Variants in HTR1E observed in about 807,000 individuals in gnomAD.
HTR1E encodes 5-hydroxytryptamine receptor 1E, also known as 5-HT-1E.
In HTR1E, 3 loss-of-function variants were observed where a neutral mutation model predicts 3.4. That is an observed-to-expected ratio of 0.89 (90% CI 0.41 to 2.31). The LOEUF (loss-of-function observed/expected upper bound fraction) is 2.31, where lower values mean the gene tolerates loss of function less well. Ranked by LOEUF, HTR1E falls within the 30% of genes most tolerant of loss-of-function variation. HTR1E has a pLI of 0.05. For missense variants in HTR1E, 392 were observed against 467.0 expected, an observed-to-expected ratio of 0.84 and a Z score of 1.48; for synonymous variants, 170 against 182.8, an observed-to-expected ratio of 0.93 and a Z score of 0.56.
chr6:86,986,009 A>G (rs1767780123), intron 1 of HTR1E, among the ~76,000 whole-genome samples: 1 of 152,162 alleles, frequency 6.6e-6, no homozygotes, highest in Non-Finnish European at 1.5e-5. Flanking sequence ...TTATTTCTAT[A>G]CATTTCTCCT....
At chr6:87,011,919 G>C (rs762315256) in intron 1 of HTR1E, among the ~76,000 whole-genome samples, 5 of 152,144 alleles carry the variant, frequency 3.3e-5, no homozygotes, top group Non-Finnish European at 7.4e-5. Context: ...TACCTTTCCC[G>C]CGCAAAATGG....
intron 1 of HTR1E, among the ~76,000 whole-genome samples, chr6:86,995,663 C>A (rs1582277175): frequency 1.9e-5 from 1 of 53,884 alleles, no homozygotes; most frequent in East Asian, 6.0e-4. Context: ...GAGACTCCAT[C>A]TCAAAAAAAA....
chr6:86,948,431 A>G (rs1291809686), intron 1 of HTR1E, among the ~76,000 whole-genome samples: 1 of 152,150 alleles, frequency 6.6e-6, no homozygotes, highest in Non-Finnish European at 1.5e-5. Context: ...TTTGTCATTC[A>G]TTATTCTAGT....
intron 1 of HTR1E, among the ~76,000 whole-genome samples, chr6:87,008,453 A>G (rs1038524874): frequency 2.6e-5 from 4 of 152,254 alleles, no homozygotes; most frequent in Middle Eastern, 3.2e-3. Context: ...AAATAATTGG[A>G]AGTAATTTGG....
chr6:86,985,385 T>C (rs1224971424), intron 1 of HTR1E, among the ~76,000 whole-genome samples: 1 of 152,204 alleles, frequency 6.6e-6, no homozygotes, highest in African/African-American at 2.4e-5. Context: ...TTTATACTTA[T>C]GATTAACATT....
intron 1 of HTR1E, among the ~76,000 whole-genome samples, chr6:86,970,152 T>A (rs571671621): frequency 6.6e-6 from 1 of 152,222 alleles, no homozygotes; most frequent in Non-Finnish European, 1.5e-5. Flanking sequence ...GGGAAGAAAC[T>A]GTGTCTTAAT....
intron 1 of HTR1E, among the ~76,000 whole-genome samples, chr6:87,002,205 T>C (rs1464164426): frequency 6.6e-6 from 1 of 152,176 alleles, no homozygotes; most frequent in African/African-American, 2.4e-5. Context: ...TTAAAGATGG[T>C]GTGTCCGGAG....
intron 1 of HTR1E, among the ~76,000 whole-genome samples, chr6:86,987,408 G>A (rs1284591006): frequency 6.6e-6 from 1 of 151,962 alleles, no homozygotes; most frequent in Non-Finnish European, 1.5e-5. Context: ...AATAGCAAAG[G>A]AAAAAGAAAA....
chr6:86,955,153 T>G (rs1582258947), intron 1 of HTR1E, among the ~76,000 whole-genome samples: 1 of 152,222 alleles, frequency 6.6e-6, no homozygotes, highest in African/African-American at 2.4e-5. Context: ...GCTTATTTTC[T>G]ACAGAACCAT....
At chr6:86,996,902 GC>G (rs1168020200) in intron 1 of HTR1E, among the ~76,000 whole-genome samples, 1 of 151,828 alleles carries the variant, frequency 6.6e-6, no homozygotes, top group Non-Finnish European at 1.5e-5. Flanking sequence ...GGTATACCAA[GC>G]AAAGGCAGTA....
chr6:87,015,809 T>C lies in HTR1E; in HGVS notation c.475T>C (p.Phe159Leu). 1.2e-6 allele frequency: 2 copies of C among 1,613,338 alleles called. No individual in the cohort carries two copies. The highest frequency in any genetic ancestry group is 1.7e-6 in the Non-Finnish European group (2 of 1,179,612). The change falls in exon 2 of 2, where the codon TTC becomes CTC. Residue 159 changes from phenylalanine to leucine, a missense_variant. Transcript: ENST00000305344. ...CATTTTCATCTCCATGCCCCCTCTG[T>C]TCTGGAGAAGCCACCGCCGCCTAAG... ...ISIFISMPPL[F>L]WRSHRRLSPP...
chr6:86,949,071 T>C (rs953053092), intron 1 of HTR1E, among the ~76,000 whole-genome samples: 2 of 152,210 alleles, frequency 1.3e-5, no homozygotes, highest in Admixed American at 6.5e-5. Context: ...TTTCTGTCAT[T>C]TGTCTTTTAA....
intron 1 of HTR1E, among the ~76,000 whole-genome samples, chr6:86,940,171 G>A (rs1477373822): frequency 1.3e-5 from 2 of 152,018 alleles, no homozygotes; most frequent in African/African-American, 4.8e-5. Context: ...CCTGGCTCAA[G>A]CACCACCCAT....
chr6:87,014,545 T>G (rs1283394327), intron 1 of HTR1E, among the ~76,000 whole-genome samples: 1 of 152,144 alleles, frequency 6.6e-6, no homozygotes, highest in Non-Finnish European at 1.5e-5. Context: ...AGCAAAGACT[T>G]GGAACCAACC....
chr6:86,989,716 A>G (rs1252322497), intron 1 of HTR1E, among the ~76,000 whole-genome samples: 1 of 152,222 alleles, frequency 6.6e-6, no homozygotes, highest in African/African-American at 2.4e-5. Flanking sequence ...AAAGATGGTC[A>G]GAAATAATGA....
chr6:86,960,637 G>C (rs1255299818), intron 1 of HTR1E, among the ~76,000 whole-genome samples: 2 of 152,212 alleles, frequency 1.3e-5, no homozygotes, highest in Non-Finnish European at 1.5e-5. Flanking sequence ...CTTCAGGAAA[G>C]TGAGGTTAAA....
At chr6:86,997,419 G>T (rs1767959135) in intron 1 of HTR1E, among the ~76,000 whole-genome samples, 1 of 151,598 alleles carries the variant, frequency 6.6e-6, no homozygotes, top group East Asian at 1.9e-4. Flanking sequence ...TATTTCAAAT[G>T]ACATAATCAT....
At chr6:87,010,292 G>A (rs1290063459) in intron 1 of HTR1E, among the ~76,000 whole-genome samples, 1 of 114,090 alleles carries the variant, frequency 8.8e-6, no homozygotes, top group Non-Finnish European at 1.7e-5. Flanking sequence ...CTCCCGGACG[G>A]GGCGGCTGGC....
At chr6:86,997,799 G>C (rs1767965314) in intron 1 of HTR1E, among the ~76,000 whole-genome samples, 1 of 151,560 alleles carries the variant, frequency 6.6e-6, no homozygotes, top group South Asian at 2.1e-4. Context: ...AACAAGCAGA[G>C]GATGTCAGAC....
Sources: allele counts gnomAD v4.1 joint callset (sites outside exome capture counted in the v4.1 genomes callset), GRCh38; gene constraint gnomAD v4.1.1; transcripts MANE v1.5; gene names NCBI Gene and HGNC (gene_info 2026-07-23, HGNC 2026-07-21).